MMAA: variants seen among roughly 807,000 people sequenced by gnomAD.
The protein encoded by MMAA is methylmalonic aciduria type A protein, mitochondrial.
MMAA carries 41 observed loss-of-function variants against 45.0 expected under a neutral mutation model. The ratio of observed to expected loss-of-function variants is 0.91; its 90% CI spans 0.71 to 1.18. The LOEUF (loss-of-function observed/expected upper bound fraction) is 1.18, where lower values mean the gene tolerates loss of function less well. MMAA is among the 50% of genes most tolerant of loss of function. The probability of loss-of-function intolerance (pLI) is 0.00; values close to 1 mark genes in which losing one functional copy is unlikely to be tolerated. For missense variants in MMAA, 460 were observed against 495.7 expected (o/e 0.93, Z 0.68); for synonymous variants, 154 against 178.2 (o/e 0.86, Z 1.08).
At position 145,659,639 on chromosome 4, in the gene MMAA, A is replaced by G. The variant is rs1023477933; in HGVS notation, c.*4205A>G. 3 of 152,168 alleles carry G rather than the reference A, an allele frequency of 2.0e-5. No homozygotes were observed. The highest frequency in any genetic ancestry group is 4.4e-5 in the Non-Finnish European group (3 of 68,034). 9.4% of individuals were successfully genotyped at this position (152,168 alleles called of 1,614,324 possible). On this transcript the variant is annotated 3_prime_UTR_variant, in exon 7 of 7. Transcript: ENST00000649156. ...CTGGCCAATCTTAAGATGTGGATAGAGTTCTTTTTTTTCTTTTTTCAATTT... is the reference window on the plus strand; with the variant it reads ...CTGGCCAATCTTAAGATGTGGATAGGGTTCTTTTTTTTCTTTTTTCAATTT...
intron 3 of MMAA, 77 bp downstream of exon 3, chr4:145,642,562 TG>T: frequency 6.3e-7 from 1 of 1,593,994 alleles, no homozygotes; most frequent in South Asian, 1.1e-5. Context: ...TTGGCACAGT[TG>T]GGTGACCTCT....
chr4:145,647,631 T>C (rs559477458), intron 4 of MMAA, among the ~76,000 whole-genome samples: 1 of 152,188 alleles, frequency 6.6e-6, no homozygotes, highest in Non-Finnish European at 1.5e-5. Context: ...GACCTTTGTC[T>C]TGTAGATAGA....
intron 3 of MMAA, 78 bp from the exon 4 acceptor site, chr4:145,645,908 G>A (rs1394592130): frequency 2.1e-6 from 3 of 1,397,260 alleles, no homozygotes; most frequent in Non-Finnish European, 3.0e-6. Context: ...ATGGCATAAA[G>A]CACTTCCCTC....
At chr4:145,638,149 C>T (rs1727670520) in intron 1 of MMAA, among the ~76,000 whole-genome samples, 1 of 151,990 alleles carries the variant, frequency 6.6e-6, no homozygotes, top group Admixed American at 6.5e-5. Flanking sequence ...GCGGGCGGCT[C>T]ACGAGGTCAG....
intron 1 of MMAA, among the ~76,000 whole-genome samples, chr4:145,636,501 C>G (rs921041798): frequency 2.6e-5 from 4 of 152,236 alleles, no homozygotes. Context: ...CCTCAGTTTA[C>G]CTCCGGTCCA....
intron 4 of MMAA, among the ~76,000 whole-genome samples, chr4:145,649,253 G>A (rs555137084): frequency 2.8e-4 from 43 of 152,224 alleles, no homozygotes; most frequent in South Asian, 2.1e-4. Context: ...AGCCACGATC[G>A]TGCCATTGCA....
chr4:145,639,401 A>G lies in MMAA; in HGVS notation c.262A>G (p.Lys88Glu). 6.2e-7 allele frequency: 1 copy of G among 1,614,212 alleles called. No homozygotes were observed. The highest frequency in any genetic ancestry group is 1.3e-5 in the African/African-American group (1 of 75,066). Residue 88 changes from lysine to glutamate, a missense_variant, in exon 2 of 7, where the codon AAA (lysine) becomes GAA (glutamate). By Grantham distance (56) the Lys-to-Glu change is moderately conservative. Coordinates refer to ENST00000649156, the MANE Select transcript of MMAA (RefSeq NM_172250.3). Reference sequence around the variant, plus strand: ...TGATAAAGAGCAAAGATTTGTGGATAAACTTTATACTGGTTTAATCCAAGG... The same window carrying G: ...TGATAAAGAGCAAAGATTTGTGGATGAACTTTATACTGGTTTAATCCAAGG... ...LSDKEQRFVD[K>E]LYTGLIQGQR...
intron 5 of MMAA, 72 bp downstream of exon 5, chr4:145,651,219 G>T: frequency 7.5e-7 from 1 of 1,332,238 alleles, no homozygotes. Context: ...CCAATGTTGT[G>T]TTTTTGTAAA....
At chr4:145,652,318 CT>C (rs1560801679) in intron 5 of MMAA, among the ~76,000 whole-genome samples, 2 of 152,170 alleles carry the variant, frequency 1.3e-5, no homozygotes, top group African/African-American at 4.8e-5. Context: ...TCTCTAGCCC[CT>C]GTCCCCTCCC....
At chr4:145,622,349 T>C (rs1454883970) in intron 1 of MMAA, among the ~76,000 whole-genome samples, 2 of 152,228 alleles carry the variant, frequency 1.3e-5, no homozygotes, top group African/African-American at 4.8e-5. Context: ...CTCAGCCACA[T>C]AGAACTGTAA....
chr4:145,646,299 A>T, intron 4 of MMAA, 143 bp downstream of exon 4: 1 of 912,596 alleles, frequency 1.1e-6, no homozygotes, highest in Non-Finnish European at 1.7e-6. Flanking sequence ...CCTAGAAGAT[A>T]TGAATGTATA....
chr4:145,646,205 A>G (rs201970426), intron 4 of MMAA, 49 bp downstream of exon 4: 1 of 1,605,774 alleles, frequency 6.2e-7, no homozygotes, highest in African/African-American at 1.3e-5. Context: ...TATGAATGCT[A>G]TATAAAGATG....
chr4:145,647,619 C>T (rs1003569290), intron 4 of MMAA, among the ~76,000 whole-genome samples: 19 of 152,120 alleles, frequency 1.2e-4, no homozygotes, highest in South Asian at 2.1e-4. Context: ...CCTAAGACCC[C>T]GGACCTTTGT....
rs375406411 is a variant in MMAA, at chr4:145,659,920, C to T, written c.*4486C>T. 1 of 152,274 alleles carries T rather than the reference C, an allele frequency of 6.6e-6. No homozygotes were observed. Among genetic ancestry groups the T allele is most frequent in the East Asian group, 1.9e-4 (1 of 5,182 alleles). 9.4% of individuals were successfully genotyped at this position (152,274 alleles called of 1,614,324 possible). On this transcript the variant is annotated 3_prime_UTR_variant, in exon 7 of 7. Transcript: ENST00000649156. The stretch of plus-strand genomic sequence containing the variant: ...GAACACCTGAACTTATTCCTCCTAT[C>T]TAGTTGTAACTTTGTACCCATTGAC...
In MMAA at chr4:145,647,055, G is replaced by A. The variant is rs539228538; in HGVS notation, c.733+899G>A. Among the ~76,000 whole-genome samples the A allele has an allele frequency of 1.1e-4, 17 of 152,308 alleles. No homozygotes were observed. In the South Asian group the frequency reaches 2.3e-3, roughly 20 times the overall value. ...GATCCCTGGCAGCAGAGTATAGAAT[G>A]ATTAGAAGGAGGGCTAGAATAGAAT... On this transcript the variant is annotated intron_variant, in intron 4 of 6. Transcript: ENST00000649156.
At chr4:145,627,096 T>C (rs1235618834) in intron 1 of MMAA, among the ~76,000 whole-genome samples, 1 of 152,224 alleles carries the variant, frequency 6.6e-6, no homozygotes, top group African/African-American at 2.4e-5. Flanking sequence ...AATCATAAGC[T>C]TATCAGACGG....
chr4:145,627,407 T>A (rs146176632), intron 1 of MMAA, among the ~76,000 whole-genome samples: 1 of 152,224 alleles, frequency 6.6e-6, no homozygotes, highest in East Asian at 1.9e-4. Flanking sequence ...TTACCCAAAC[T>A]TTTCTTTATA....
chr4:145,639,416 T>G lies in MMAA; in HGVS notation c.277T>G (p.Leu93Val). Reference sequence around the variant, plus strand: ...ATTTGTGGATAAACTTTATACTGGTTTAATCCAAGGGCAAAGGGCCTGTTT... The same window carrying G: ...ATTTGTGGATAAACTTTATACTGGTGTAATCCAAGGGCAAAGGGCCTGTTT... ...QRFVDKLYTG[L>V]IQGQRACLAE... The change falls in exon 2 of 7, where the codon TTA becomes GTA. Residue 93 changes from leucine (L) to valine (V), a missense_variant. By Grantham distance (32) the Leu-to-Val change is conservative (BLOSUM62 1). Coordinates refer to ENST00000649156, the MANE Select transcript of MMAA (RefSeq NM_172250.3). The G allele has an allele frequency of 1.9e-6, 3 of 1,614,202 alleles. No homozygotes were observed. The highest frequency in any genetic ancestry group is 2.5e-6 in the Non-Finnish European group (3 of 1,180,032).
chr4:145,635,062 T>G (rs1727574459), intron 1 of MMAA, among the ~76,000 whole-genome samples: 2 of 152,044 alleles, frequency 1.3e-5, no homozygotes, highest in Non-Finnish European at 2.9e-5. Context: ...CTCCAGCTGG[T>G]GTCTCACTGG....
Sources: gnomAD v4.1 joint callset for allele counts (sites outside exome capture counted in the v4.1 genomes callset) on GRCh38, gnomAD v4.1.1 for gene constraint, MANE v1.5 for transcripts, NCBI Gene and HGNC (gene_info 2026-07-23, HGNC 2026-07-21) for gene names.